Variants in MEIS1 observed in about 807,000 individuals in gnomAD.
MEIS1 encodes the protein Meis homeobox 1, also known as homeobox protein Meis1.
A neutral mutation model predicts 50.8 loss-of-function variants in MEIS1; 5 were observed. The ratio of observed to expected loss-of-function variants is 0.10; its 90% CI spans 0.05 to 0.21. MEIS1 has a LOEUF of 0.21. MEIS1 is among the 10% of genes least tolerant of loss of function. The probability of loss-of-function intolerance (pLI) is 1.00; values close to 1 mark genes in which losing one functional copy is unlikely to be tolerated. For synonymous variants in MEIS1, 176 were observed against 179.3 expected (o/e 0.98, Z 0.15); for missense variants, 318 against 517.3 (o/e 0.61, Z 3.74).
At chr2:66,462,748 C>CT (rs1210120748) in intron 6 of MEIS1, among the ~76,000 whole-genome samples, 1 of 152,186 alleles carries the variant, frequency 6.6e-6, no homozygotes, top group African/African-American at 2.4e-5. Flanking sequence ...GTTCACATAT[C>CT]TTTCAATCTC....
chr2:66,441,597 AAGGCCAATCT>A, intron 5 of MEIS1, 133 bp downstream of exon 5: 1 of 721,406 alleles, frequency 1.4e-6, no homozygotes, highest in South Asian at 2.0e-5. Context: ...AATTAGTGTC[AAGGCCAATCT>A]TAGCGTCCAT....
In MEIS1 at chr2:66,435,862, G is replaced by A; in HGVS notation, c.6G>A (p.Ala2=). The A allele has an allele frequency of 1.3e-6, 2 of 1,570,496 alleles. No homozygotes were observed. The highest frequency in any genetic ancestry group is 1.2e-5 in the South Asian group (1 of 83,940). ...GAAGGGAGCCAGAGAGGCCGATGGC[G>A]CAAAGGGTACGTATTAAAAAACAAT... The part of the protein sequence containing the change: M[A]QRYDDLPHYG... The change falls in exon 1 of 13, where the codon GCG becomes GCA. Residue 2 remains alanine, a synonymous_variant. Coordinates refer to ENST00000272369, the MANE Select transcript of MEIS1 (RefSeq NM_002398.3).
intron 8 of MEIS1, among the ~76,000 whole-genome samples, chr2:66,518,658 C>T (rs1466453180): frequency 1.3e-5 from 2 of 152,146 alleles, no homozygotes; most frequent in African/African-American, 2.4e-5. Flanking sequence ...ACTGAGCATG[C>T]ACCTCAATTT....
rs1030595595 is a variant in MEIS1 at position 66,464,781 on chromosome 2, T to C, written c.742+561T>C. Among the ~76,000 whole-genome samples, 3 of 152,200 alleles carry C rather than the reference T, an allele frequency of 2.0e-5. 1 individual carries two copies. The highest frequency in any genetic ancestry group is 2.0e-4 in the Admixed American group (3 of 15,284). ...AGGAAGACATGGAAAGATAACAGGT[T>C]AATTTGTGTTGTCCTGTGAATGCAC... On this transcript the variant is annotated intron_variant, in intron 7 of 12. Transcript: ENST00000272369.
At chr2:66,554,333 T>A (rs1406340585) in intron 9 of MEIS1, among the ~76,000 whole-genome samples, 1 of 152,168 alleles carries the variant, frequency 6.6e-6, no homozygotes. Context: ...TCTGTAAGTA[T>A]CTGGTCAGAG....
chr2:66,497,971 A>T (rs1387174722), intron 7 of MEIS1, among the ~76,000 whole-genome samples: 1 of 151,998 alleles, frequency 6.6e-6, no homozygotes, highest in Non-Finnish European at 1.5e-5. Flanking sequence ...AAGTCACTTT[A>T]CAAGGCTTTT....
chr2:66,442,610 G>A (rs1041343041), intron 5 of MEIS1, among the ~76,000 whole-genome samples: 4 of 152,090 alleles, frequency 2.6e-5, no homozygotes, highest in African/African-American at 7.3e-5. Flanking sequence ...ACCTACGCAG[G>A]TCACCTCTCT....
At chr2:66,440,042 A>AAC (rs1241925593) in intron 3 of MEIS1, 58 bp downstream of exon 3, 1 of 1,409,452 alleles carries the variant, frequency 7.1e-7, no homozygotes, top group Non-Finnish European at 9.4e-7. Flanking sequence ...CCCCTTCGCC[A>AAC]ACACACACGC....
rs1675511654 is a variant in MEIS1, at chr2:66,572,932, A to T, written c.*1724A>T. 1 of 152,234 alleles carries T rather than the reference A, an allele frequency of 6.6e-6. No individual in the cohort carries two copies. Among genetic ancestry groups the T allele is most frequent in the African/African-American group, 2.4e-5 (1 of 41,456 alleles). 9.4% of individuals were successfully genotyped at this position (152,234 alleles called of 1,614,324 possible). ...CTGATTTCTTTAAGCTGACTTAATG[A>T]ACTCCTAATATCAGCAAATTTGAGG... On this transcript the variant is annotated 3_prime_UTR_variant, in exon 13 of 13. Coordinates refer to ENST00000272369, the MANE Select transcript of MEIS1 (RefSeq NM_002398.3).
At chr2:66,503,064 G>T (rs1210508255) in intron 7 of MEIS1, among the ~76,000 whole-genome samples, 1 of 152,152 alleles carries the variant, frequency 6.6e-6, no homozygotes, top group African/African-American at 2.4e-5. Flanking sequence ...TGGACTCATT[G>T]CTTTTCCATT....
At chr2:66,491,084 G>GAA (rs1026940225) in intron 7 of MEIS1, among the ~76,000 whole-genome samples, 15 of 126,418 alleles carry the variant, frequency 1.2e-4, no homozygotes, top group Non-Finnish European at 2.0e-4. Context: ...CCAACCAATG[G>GAA]AAAAAAAAAA....
chr2:66,544,241 A>G (rs1260059298), intron 8 of MEIS1, among the ~76,000 whole-genome samples: 1 of 152,108 alleles, frequency 6.6e-6, no homozygotes, highest in Non-Finnish European at 1.5e-5. Flanking sequence ...TGCCTGTGGC[A>G]TGCTGGGTTT....
intron 2 of MEIS1, 145 bp from the exon 3 acceptor site, chr2:66,439,698 G>C: frequency 6.5e-7 from 1 of 1,544,738 alleles, no homozygotes; most frequent in Non-Finnish European, 8.7e-7. Context: ...GTCTGGGGGA[G>C]GGGGAGGAAA....
chr2:66,469,769 C>A (rs943068396), intron 7 of MEIS1, among the ~76,000 whole-genome samples: 7 of 152,024 alleles, frequency 4.6e-5, no homozygotes, highest in Non-Finnish European at 1.0e-4. Flanking sequence ...TCCTTTATTT[C>A]TTTCCTATGG....
At chr2:66,530,757 C>T (rs754898561) in intron 8 of MEIS1, among the ~76,000 whole-genome samples, 1 of 152,136 alleles carries the variant, frequency 6.6e-6, no homozygotes, top group Non-Finnish European at 1.5e-5. Context: ...TCATTGAGCC[C>T]CAGTCTGAGT....
chr2:66,567,383 CT>C, intron 9 of MEIS1, 69 bp from the exon 10 acceptor site: 2 of 1,510,270 alleles, frequency 1.3e-6, no homozygotes, highest in Non-Finnish European at 1.8e-6. Context: ...TGCGATTCAT[CT>C]TTTCCTCTTC....
At chr2:66,509,078 A>G (rs760728004) in intron 7 of MEIS1, 21 of 471,618 alleles carry the variant, frequency 4.5e-5, no homozygotes, top group Non-Finnish European at 7.5e-5. Flanking sequence ...GAGAGACCAC[A>G]TTGAGGTGAC....
chr2:66,439,568 G>A, intron 2 of MEIS1: 1 of 1,520,960 alleles, frequency 6.6e-7, no homozygotes, highest in Non-Finnish European at 8.8e-7. Context: ...GGTTTTATTC[G>A]TAGCAAATGT....
chr2:66,461,792 T>C (rs1672525264), intron 6 of MEIS1: 1 of 452,394 alleles, frequency 2.2e-6, no homozygotes, highest in East Asian at 7.2e-5. Context: ...TGAATCGGAA[T>C]GCCTCACAGA....
Sources: allele counts gnomAD v4.1 joint callset (sites outside exome capture counted in the v4.1 genomes callset), GRCh38; gene constraint gnomAD v4.1.1; transcripts MANE v1.5; gene names NCBI Gene and HGNC (gene_info 2026-07-23, HGNC 2026-07-21).